Variants in GRM5 observed in about 807,000 individuals in gnomAD.
GRM5 encodes metabotropic glutamate receptor 5.
In GRM5, 19 loss-of-function variants were observed where a neutral mutation model predicts 83.1. The ratio of observed to expected loss-of-function variants is 0.23; its 90% CI spans 0.16 to 0.34. GRM5 has a LOEUF of 0.34. Among genes scored for constraint, GRM5 ranks in the 10% least tolerant of loss-of-function variants. The pLI, the probability that GRM5 is intolerant of heterozygous loss-of-function variation, is 1.00. For missense variants in GRM5, 1,160 were observed against 1,588.3 expected, an observed-to-expected ratio of 0.73 and a Z score of 4.58; for synonymous variants, 675 against 633.6, an observed-to-expected ratio of 1.07 and a Z score of -0.98.
intron 2 of GRM5, among the ~76,000 whole-genome samples, chr11:88,876,815 A>G (rs1411101879): frequency 2.6e-5 from 4 of 152,124 alleles, no homozygotes; most frequent in African/African-American, 9.7e-5. Context: ...ATAGATAGGC[A>G]TGATTTGGGA....
intron 2 of GRM5, among the ~76,000 whole-genome samples, chr11:89,032,198 A>G (rs1941278366): frequency 6.6e-6 from 1 of 152,110 alleles, no homozygotes; most frequent in Non-Finnish European, 1.5e-5. Context: ...AGCAGCATCA[A>G]TCATTTTACA....
At chr11:88,597,097 A>G in intron 6 of GRM5, 87 bp downstream of exon 6, 1 of 767,244 alleles carries the variant, frequency 1.3e-6, no homozygotes, top group South Asian at 2.2e-5. Context: ...AAGTAAAATA[A>G]GTGTCTAAAA....
chr11:89,014,513 G>A (rs1445452404), intron 2 of GRM5, among the ~76,000 whole-genome samples: 1 of 152,088 alleles, frequency 6.6e-6, no homozygotes, highest in African/African-American at 2.4e-5. Flanking sequence ...ATGGTTACCA[G>A]AGGCTGGGAA....
intron 3 of GRM5, among the ~76,000 whole-genome samples, chr11:88,843,812 C>A (rs1231773661): frequency 3.9e-5 from 6 of 152,268 alleles, no homozygotes; most frequent in Middle Eastern, 6.8e-3. Context: ...TTTTCATGGT[C>A]TTGATAGAAG....
At chr11:88,883,056 C>T (rs963131161) in intron 2 of GRM5, among the ~76,000 whole-genome samples, 3 of 152,166 alleles carry the variant, frequency 2.0e-5, no homozygotes, top group Non-Finnish European at 4.4e-5. Flanking sequence ...ATCCATTAAA[C>T]CTCTTTCCTT....
intron 3 of GRM5, among the ~76,000 whole-genome samples, chr11:88,697,768 G>T (rs1453777609): frequency 6.6e-6 from 1 of 152,210 alleles, no homozygotes; most frequent in Non-Finnish European, 1.5e-5. Context: ...ACTGACAAAA[G>T]CTCTAAAGTA....
intron 4 of GRM5, among the ~76,000 whole-genome samples, chr11:88,646,007 G>C (rs1054347516): frequency 6.6e-6 from 1 of 152,032 alleles, no homozygotes; most frequent in Non-Finnish European, 1.5e-5. Context: ...GGTTATAGAA[G>C]TTATAATGAA....
At chr11:88,817,440 T>C (rs1943712054) in intron 3 of GRM5, among the ~76,000 whole-genome samples, 1 of 152,080 alleles carries the variant, frequency 6.6e-6, no homozygotes, top group South Asian at 2.1e-4. Flanking sequence ...TCCCAAACCC[T>C]GAAAAATTAT....
Position 88,887,198 on chromosome 11 carries a change from C to T in GRM5, c.662-37043G>A, listed in dbSNP as rs192184050. ...ATGTTAGTTCTTGATACTGTCCCAT[C>T]AGCAGGAAAATTGCCATTTAGTCCA... On this transcript the variant is annotated intron_variant, in intron 2 of 9. Transcript: ENST00000305447. 2.8e-4 allele frequency among the ~76,000 whole-genome samples: 43 copies of T among 152,316 alleles called. 1 individual carries two copies. In the East Asian group the frequency reaches 8.1e-3, roughly 29 times the overall value.
chr11:88,963,901 G>C (rs1296892365), intron 2 of GRM5, among the ~76,000 whole-genome samples: 1 of 152,102 alleles, frequency 6.6e-6, no homozygotes, highest in African/African-American at 2.4e-5. Context: ...ACTCCTTCCT[G>C]TGAGAGTCTA....
intron 2 of GRM5, among the ~76,000 whole-genome samples, chr11:88,990,231 C>G (rs910146680): frequency 3.9e-5 from 6 of 151,918 alleles, no homozygotes; most frequent in African/African-American, 1.5e-4. Flanking sequence ...ATACTACAAA[C>G]ACCTCTATGC....
chr11:88,899,697 AT>A (rs895803049), intron 2 of GRM5, among the ~76,000 whole-genome samples: 2 of 152,016 alleles, frequency 1.3e-5, no homozygotes, highest in African/African-American at 4.8e-5. Context: ...TGAAAAAAAA[AT>A]CTGAAGTGGG....
chr11:88,704,997 T>C (rs527390946), intron 3 of GRM5, among the ~76,000 whole-genome samples: 15 of 152,218 alleles, frequency 9.9e-5, no homozygotes, highest in African/African-American at 3.6e-4. Flanking sequence ...TCTCACCATC[T>C]CTAGCATCAG....
intron 3 of GRM5, among the ~76,000 whole-genome samples, chr11:88,732,963 T>A (rs1434213451): frequency 1.3e-5 from 2 of 152,068 alleles, no homozygotes; most frequent in Non-Finnish European, 2.9e-5. Context: ...TCAGTGCATT[T>A]TCCGTTTGTT....
In GRM5 at chr11:88,778,249, G is replaced by A. The variant is rs139620811; in HGVS notation, c.911+71657C>T. Among the ~76,000 whole-genome samples, 145 of 152,350 alleles carry A rather than the reference G, an allele frequency of 9.5e-4. 2 individuals carry two copies. The highest frequency in any genetic ancestry group is 5.6e-3 in the East Asian group (29 of 5,184). The stretch of plus-strand genomic sequence containing the variant: ...AGGGAGCAAGGCTCCATGGGCGTGC[G>A]ACCTGCTTAGCCAGGCATGGGAGAG... On this transcript the variant is annotated intron_variant, in intron 3 of 9. Transcript: ENST00000305447.
At chr11:88,608,350 C>T (rs2135237306) in intron 4 of GRM5, among the ~76,000 whole-genome samples, 1 of 152,172 alleles carries the variant, frequency 6.6e-6, no homozygotes, top group South Asian at 2.1e-4. Context: ...GATATCCTGT[C>T]TAAATTGCAT....
intron 2 of GRM5, among the ~76,000 whole-genome samples, chr11:88,910,221 T>C (rs1945474052): frequency 6.6e-6 from 1 of 152,068 alleles, no homozygotes; most frequent in South Asian, 2.1e-4. Flanking sequence ...TTTTCAGGGT[T>C]TATCCGTGTT....
At chr11:88,970,242 T>C (rs1443863064) in intron 2 of GRM5, among the ~76,000 whole-genome samples, 1 of 152,144 alleles carries the variant, frequency 6.6e-6, no homozygotes, top group Non-Finnish European at 1.5e-5. Flanking sequence ...TGGATGCTTT[T>C]TTCTCACCTA....
intron 3 of GRM5, among the ~76,000 whole-genome samples, chr11:88,725,792 G>A (rs1941665146): frequency 1.3e-5 from 2 of 151,246 alleles, no homozygotes; most frequent in African/African-American, 2.4e-5. Flanking sequence ...TGCAGCAGAG[G>A]GGCCTGACTG....
Sources: gnomAD v4.1 joint callset for allele counts (sites outside exome capture counted in the v4.1 genomes callset) on GRCh38, gnomAD v4.1.1 for gene constraint, MANE v1.5 for transcripts, NCBI Gene and HGNC (gene_info 2026-07-23, HGNC 2026-07-21) for gene names.